The following ARHGAP6 variants were observed in gnomAD, a reference collection of about 807,000 sequenced individuals.
ARHGAP6 encodes the protein Rho GTPase activating protein 6, also known as rho GTPase-activating protein 6.
ARHGAP6 carries 16 observed loss-of-function variants against 55.7 expected under a neutral mutation model. The ratio of observed to expected loss-of-function variants is 0.29; its 90% CI spans 0.19 to 0.44. The LOEUF is 0.44. Among genes scored for constraint, ARHGAP6 ranks in the 20% least tolerant of loss-of-function variants. ARHGAP6 has a pLI of 1.00. For synonymous variants in ARHGAP6, 382 were observed against 360.9 expected (o/e 1.06, Z -0.66); for missense variants, 698 against 808.9 (o/e 0.86, Z 1.66).
At chrX:11,252,508 A>G (rs2047437138) in intron 2 of ARHGAP6, among the ~76,000 whole-genome samples, 1 of 112,437 alleles carries the variant, frequency 8.9e-6, no homozygotes, top group African/African-American at 3.2e-5. Context: ...CTCAAGGATA[A>G]GAGCGACACG....
At chrX:11,234,658 C>T (rs1229730174) in intron 2 of ARHGAP6, among the ~76,000 whole-genome samples, 1 of 112,402 alleles carries the variant, frequency 8.9e-6, no homozygotes, top group Non-Finnish European at 1.9e-5. Flanking sequence ...CAAAACTAAA[C>T]ATAGCTGAGC....
intron 1 of ARHGAP6, among the ~76,000 whole-genome samples, chrX:11,263,408 T>G (rs1259897940): frequency 9.0e-6 from 1 of 111,551 alleles, no homozygotes; most frequent in Non-Finnish European, 1.9e-5. Context: ...CTTTATAAAT[T>G]ACGCAGTCTC....
At chrX:11,640,976 T>C (rs2052468763) in intron 1 of ARHGAP6, among the ~76,000 whole-genome samples, 1 of 111,589 alleles carries the variant, frequency 9.0e-6, no homozygotes, top group Non-Finnish European at 1.9e-5. Flanking sequence ...AAGGCAGTTT[T>C]ACATCACAAG....
chrX:11,190,759 C>T (rs1490078302), intron 3 of ARHGAP6, among the ~76,000 whole-genome samples: 2 of 111,249 alleles, frequency 1.8e-5, no homozygotes, highest in Non-Finnish European at 1.9e-5. Flanking sequence ...TGAGCCCTTT[C>T]CCAGTCATTT....
chrX:11,464,162 A>G (rs1223325052), intron 1 of ARHGAP6, among the ~76,000 whole-genome samples: 1 of 112,416 alleles, frequency 8.9e-6, no homozygotes, highest in Admixed American at 9.4e-5. Context: ...TATAAGAAGC[A>G]TGCCCTCTTT....
chrX:11,204,520 T>C (rs1602856763), intron 2 of ARHGAP6, among the ~76,000 whole-genome samples: 1 of 111,986 alleles, frequency 8.9e-6, no homozygotes, highest in Admixed American at 9.4e-5. Context: ...GTTCTCTTAA[T>C]GACACCCAGT....
intron 1 of ARHGAP6, among the ~76,000 whole-genome samples, chrX:11,491,861 C>T (rs1304730659): frequency 9.2e-6 from 1 of 108,562 alleles, no homozygotes; most frequent in Non-Finnish European, 1.9e-5. Flanking sequence ...TTCTCCACAT[C>T]CTCTCCAGCA....
intron 1 of ARHGAP6, among the ~76,000 whole-genome samples, chrX:11,578,700 G>A (rs943481829): frequency 1.8e-5 from 2 of 111,556 alleles, no homozygotes; most frequent in Non-Finnish European, 3.8e-5. Flanking sequence ...AAAGGATTAT[G>A]AATCATGCTA....
intron 1 of ARHGAP6, among the ~76,000 whole-genome samples, chrX:11,446,611 A>G (rs920584020): frequency 1.8e-5 from 2 of 111,640 alleles, no homozygotes; most frequent in Admixed American, 1.9e-4. Context: ...CAACGTGCAC[A>G]CATTTAATTC....
chrX:11,371,327 C>T (rs987389418), intron 1 of ARHGAP6, among the ~76,000 whole-genome samples: 4 of 111,990 alleles, frequency 3.6e-5, no homozygotes, highest in African/African-American at 1.3e-4. Context: ...TTATTGGAAC[C>T]AGCCATGCAC....
At chrX:11,415,732 A>G (rs1269229857) in intron 1 of ARHGAP6, among the ~76,000 whole-genome samples, 1 of 111,869 alleles carries the variant, frequency 8.9e-6, no homozygotes, top group African/African-American at 3.3e-5. Context: ...AGTTGATCCC[A>G]CTTGCCATCT....
intron 1 of ARHGAP6, among the ~76,000 whole-genome samples, chrX:11,421,362 T>C (rs748874636): frequency 8.9e-6 from 1 of 112,030 alleles, no homozygotes; most frequent in South Asian, 3.8e-4. Flanking sequence ...TTGTAGGATG[T>C]TCAGCAACAT....
At chrX:11,368,977 C>T (rs2049114136) in intron 1 of ARHGAP6, among the ~76,000 whole-genome samples, 1 of 111,622 alleles carries the variant, frequency 9.0e-6, no homozygotes, top group Non-Finnish European at 1.9e-5. Context: ...TTGCTTAGTG[C>T]AGTTCCAGTT....
At chrX:11,559,499 A>C (rs2147093905) in intron 1 of ARHGAP6, among the ~76,000 whole-genome samples, 1 of 111,693 alleles carries the variant, frequency 9.0e-6, no homozygotes, top group East Asian at 2.8e-4. Flanking sequence ...TGATTTATTT[A>C]TCTATGTCAA....
Position 11,443,820 on chromosome X carries a change from C to T in ARHGAP6, c.589-189113G>A, listed in dbSNP as rs777498173. Reference sequence around the variant, plus strand: ...GCAGGCACCTGCAGTCTCAGCTACTCGGGAGGCTGAGGCAGGAGAATGGCA... The same window carrying T: ...GCAGGCACCTGCAGTCTCAGCTACTTGGGAGGCTGAGGCAGGAGAATGGCA... On this transcript the variant is annotated intron_variant, in intron 1 of 12. Coordinates refer to ENST00000337414, the MANE Select transcript of ARHGAP6 (RefSeq NM_013427.3). 7.5e-4 allele frequency among the ~76,000 whole-genome samples: 84 copies of T among 111,604 alleles called. 1 individual carries two copies. Among genetic ancestry groups the T allele is most frequent in the Admixed American group, 3.0e-3 (32 of 10,589 alleles).
rs762744681 is a variant in ARHGAP6 at position 11,188,739 on chromosome X, C to T, written c.1066G>A (p.Ala356Thr). 2.5e-6 allele frequency: 3 copies of T among 1,210,442 alleles called. No individual in the cohort carries two copies. Among genetic ancestry groups the T allele is most frequent in the Non-Finnish European group, 3.4e-6 (3 of 894,747 alleles). The change falls in exon 4 of 13, where the codon GCT becomes ACT. Residue 356 changes from alanine (A) to threonine (T), a missense_variant. By Grantham distance (58) the Ala-to-Thr change is moderately conservative. Around this residue, in one of 3 missense-constraint regions of ARHGAP6, gnomAD observed 322 missense variants for 451.1 expected, o/e 0.71. Transcript: ENST00000337414. ...ACTGGCCACCTCACCCTCCTCCTAG[C>T]CCGAGGAGCCGGTTCCGGGGTGTTT... ...SPNTPEPAPR[A>T]RRRGAMSVDS...
intron 1 of ARHGAP6, among the ~76,000 whole-genome samples, chrX:11,268,918 C>G (rs768806737): frequency 1.1e-4 from 12 of 111,324 alleles, no homozygotes; most frequent in Non-Finnish European, 2.3e-4. Context: ...ATAGGTGTAG[C>G]CACTATGTTG....
intron 1 of ARHGAP6, among the ~76,000 whole-genome samples, chrX:11,425,599 C>T (rs973044450): frequency 1.1e-4 from 12 of 111,735 alleles, no homozygotes; most frequent in Non-Finnish European, 1.7e-4. Flanking sequence ...CCAGAATATA[C>T]ATACATGATA....
chrX:11,204,024 T>A (rs2046670074), intron 2 of ARHGAP6, among the ~76,000 whole-genome samples: 1 of 112,382 alleles, frequency 8.9e-6, no homozygotes. Flanking sequence ...CAGTGTCTAA[T>A]GCAGTGTACA....
Sources: allele counts gnomAD v4.1 joint callset (sites outside exome capture counted in the v4.1 genomes callset), GRCh38; gene constraint gnomAD v4.1.1; regional missense constraint gnomAD v4.1.1; transcripts MANE v1.5; gene names NCBI Gene and HGNC (gene_info 2026-07-23, HGNC 2026-07-21).